Variants in SNTG1 observed in about 807,000 individuals in gnomAD.
SNTG1 encodes the protein gamma-1-syntrophin.
Under a neutral mutation model 74.7 loss-of-function variants are expected in SNTG1, and 39 were observed. That is an observed-to-expected ratio of 0.52 (90% CI 0.40 to 0.68). The LOEUF (loss-of-function observed/expected upper bound fraction) is 0.68. SNTG1 is among the 30% of genes least tolerant of loss of function. SNTG1 has a pLI of 0.00. For missense variants in SNTG1, 685 were observed against 609.5 expected, an observed-to-expected ratio of 1.12 and a Z score of -1.30; for synonymous variants, 254 against 217.1, an observed-to-expected ratio of 1.17 and a Z score of -1.49.
intron 1 of SNTG1, chr8:50,163,388 A>C (rs1202022877): frequency 6.6e-6 from 1 of 151,322 alleles, no homozygotes; most frequent in Non-Finnish European, 1.5e-5. Context: ...TTTTTCCAAA[A>C]TTTATGTCTT....
intron 1 of SNTG1, among the ~76,000 whole-genome samples, chr8:50,103,851 G>T (rs947927219): frequency 6.6e-6 from 1 of 152,104 alleles, no homozygotes; most frequent in Non-Finnish European, 1.5e-5. Context: ...CTGTTTATAT[G>T]CTGGATTACA....
chr8:50,162,265 G>C (rs1471852445), intron 1 of SNTG1, among the ~76,000 whole-genome samples: 1 of 152,046 alleles, frequency 6.6e-6, no homozygotes, highest in East Asian at 1.9e-4. Context: ...CGGCCTGCTG[G>C]CTATAAGAAA....
chr8:50,419,842 A>C (rs890827558), intron 4 of SNTG1, among the ~76,000 whole-genome samples: 1 of 152,200 alleles, frequency 6.6e-6, no homozygotes, highest in African/African-American at 2.4e-5. Context: ...TCAGCCAAAA[A>C]AAATTCAAAA....
In SNTG1 at chr8:50,296,089, C is replaced by T. The variant is rs554125912; in HGVS notation, c.-27-98123C>T. Among the ~76,000 whole-genome samples, 16 of 152,202 alleles carry T rather than the reference C, an allele frequency of 1.1e-4. 1 individual carries two copies. The highest frequency in any genetic ancestry group is 3.9e-4 in the African/African-American group (16 of 41,540). On this transcript the variant is annotated intron_variant, in intron 2 of 18. Transcript: ENST00000642720. ...TTGTCTTTCAGTAGACCACTCACAG[C>T]TCCCCAGGAGAGATGGAGAACACCA...
chr8:50,636,501 T>A (rs949062455), intron 13 of SNTG1, among the ~76,000 whole-genome samples: 1 of 152,072 alleles, frequency 6.6e-6, no homozygotes, highest in Non-Finnish European at 1.5e-5. Flanking sequence ...CTTATCTAAA[T>A]GCTTCCTCCG....
chr8:50,773,071 A>G (rs1461303058), intron 18 of SNTG1, among the ~76,000 whole-genome samples: 1 of 152,134 alleles, frequency 6.6e-6, no homozygotes, highest in Non-Finnish European at 1.5e-5. Context: ...CCAGCCTCAG[A>G]TATTCTATTA....
At chr8:50,225,748 A>C (rs1198776552) in intron 2 of SNTG1, among the ~76,000 whole-genome samples, 2 of 152,208 alleles carry the variant, frequency 1.3e-5, no homozygotes, top group Non-Finnish European at 1.5e-5. Flanking sequence ...AAGAGAAAAG[A>C]CAAATTAAGT....
At chr8:50,455,129 G>A (rs2093493135) in intron 8 of SNTG1, among the ~76,000 whole-genome samples, 1 of 152,044 alleles carries the variant, frequency 6.6e-6, no homozygotes, top group Non-Finnish European at 1.5e-5. Flanking sequence ...TAGTAAATAA[G>A]ATTTAACTAT....
chr8:50,526,601 A>G (rs2094221528), intron 9 of SNTG1, among the ~76,000 whole-genome samples: 1 of 149,600 alleles, frequency 6.7e-6, no homozygotes, highest in South Asian at 2.1e-4. Context: ...GTCAGCATAT[A>G]TATGTGTGTG....
intron 2 of SNTG1, among the ~76,000 whole-genome samples, chr8:50,220,302 C>T (rs1327012770): frequency 2.0e-5 from 3 of 152,102 alleles, no homozygotes; most frequent in Admixed American, 2.0e-4. Flanking sequence ...GGTGAAACTG[C>T]AGGTTATATA....
chr8:50,009,041 G>T (rs116159910), intron 1 of SNTG1, among the ~76,000 whole-genome samples: 2,055 of 151,886 alleles, frequency 0.014, 44 homozygotes, highest in African/African-American at 0.045. Context: ...ATTTATTTAT[G>T]AGAAGTTAAT....
At chr8:50,680,275 A>G (rs376567955) in intron 15 of SNTG1, among the ~76,000 whole-genome samples, 19 of 152,308 alleles carry the variant, frequency 1.2e-4, no homozygotes, top group South Asian at 2.1e-4. Flanking sequence ...CAATTCAAAC[A>G]GAATGAATAA....
At chr8:50,660,513 G>A (rs1451519532) in intron 15 of SNTG1, among the ~76,000 whole-genome samples, 4 of 134,102 alleles carry the variant, frequency 3.0e-5, no homozygotes, top group Non-Finnish European at 3.1e-5. Flanking sequence ...AGAAGGAAGG[G>A]AGGGAGGGAG....
chr8:50,663,967 G>A (rs1271768553), intron 15 of SNTG1, among the ~76,000 whole-genome samples: 1 of 152,036 alleles, frequency 6.6e-6, no homozygotes, highest in African/African-American at 2.4e-5. Context: ...CTATCCTGAT[G>A]ACTCCAAATG....
chr8:50,155,859 A>G (rs924413101), intron 1 of SNTG1, among the ~76,000 whole-genome samples: 1 of 152,042 alleles, frequency 6.6e-6, no homozygotes, highest in African/African-American at 2.4e-5. Flanking sequence ...AAGTTGTTTG[A>G]AATGATGAAT....
At chr8:50,763,467 C>T (rs986098238) in intron 18 of SNTG1, among the ~76,000 whole-genome samples, 3 of 151,728 alleles carry the variant, frequency 2.0e-5, no homozygotes, top group African/African-American at 4.8e-5. Context: ...GAGGAAGACA[C>T]AAATATATGG....
intron 1 of SNTG1, among the ~76,000 whole-genome samples, chr8:50,115,159 G>A (rs2080760014): frequency 6.6e-6 from 1 of 152,132 alleles, no homozygotes; most frequent in African/African-American, 2.4e-5. Flanking sequence ...TGGATTTAAA[G>A]TGCAACCAGT....
rs1472166912 is a variant in SNTG1, at chr8:50,734,746, T to C, written c.1285-17255T>C. Among the ~76,000 whole-genome samples the C allele has an allele frequency of 1.3e-4, 11 of 84,166 alleles. 1 individual carries two copies. Among genetic ancestry groups the C allele is most frequent in the Admixed American group, 1.0e-3 (9 of 8,970 alleles). The allele number at this position is 84,166 out of a possible 152,430, so 55.2% of individuals were successfully genotyped here. ...TTATATATCTATATATATGGACATG[T>C]ATATAGATATCTATATATATGGACA... On this transcript the variant is annotated intron_variant, in intron 17 of 18. Coordinates refer to ENST00000642720, the MANE Select transcript of SNTG1 (RefSeq NM_018967.5).
intron 15 of SNTG1, among the ~76,000 whole-genome samples, chr8:50,687,122 A>G (rs1474960284): frequency 6.8e-6 from 1 of 147,444 alleles, no homozygotes; most frequent in Non-Finnish European, 1.5e-5. Flanking sequence ...GGCCTGGGCG[A>G]CAGAGCGAGA....
Sources: gnomAD v4.1 joint callset for allele counts (sites outside exome capture counted in the v4.1 genomes callset) on GRCh38, gnomAD v4.1.1 for gene constraint, MANE v1.5 for transcripts, NCBI Gene and HGNC (gene_info 2026-07-23, HGNC 2026-07-21) for gene names.